WDR62: variants seen among roughly 807,000 people sequenced by gnomAD.
WDR62 encodes WD repeat-containing protein 62.
WDR62 carries 112 observed loss-of-function variants against 160.6 expected under a neutral mutation model. The observed-to-expected ratio is 0.70, with a 90% CI of 0.60 to 0.82. The LOEUF is 0.82. WDR62 is among the 40% of genes least tolerant of loss of function. WDR62 has a pLI of 0.00. For synonymous variants in WDR62, 792 were observed against 815.1 expected (o/e 0.97, Z 0.48); for missense variants, 1,819 against 1,983.8 (o/e 0.92, Z 1.58).
rs1234379959 is a variant in WDR62 at position 36,101,735 on chromosome 19, C to T, written c.3043C>T (p.Pro1015Ser). 1.3e-6 allele frequency: 2 copies of T among 1,551,828 alleles called. No individual in the cohort carries two copies. The highest frequency in any genetic ancestry group is 2.0e-5 in the Admixed American group (1 of 51,100). The change falls in exon 25 of 32, where the codon CCT (proline) becomes TCT (serine). Residue 1015 changes from proline to serine, a missense_variant. Pro to Ser is a moderately conservative substitution (Grantham distance 74, BLOSUM62 -1). Transcript: ENST00000401500. ...AIHSPAPPPD[P>S]APRFATSLPH... ...CCACTCCCCAGCTCCGCCTCCTGACCCTGCCCCTCGGTTTGCCACGTCGCT... is the reference window on the plus strand; with the variant it reads ...CCACTCCCCAGCTCCGCCTCCTGACTCTGCCCCTCGGTTTGCCACGTCGCT...
At chr19:36,106,915 C>T (rs1973727010), downstream of WDR62, among the ~76,000 whole-genome samples, 1 of 152,204 alleles carries the variant, frequency 6.6e-6, no homozygotes, top group Non-Finnish European at 1.5e-5. Flanking sequence ...GAACCACCTG[C>T]CTAGGCCTAG....
At position 36,091,382 on chromosome 19, in the gene WDR62, CCT is replaced by C; in HGVS notation, c.2147-15_2147-14del. The C allele has an allele frequency of 4.3e-6, 7 of 1,612,970 alleles. No homozygotes were observed. Among genetic ancestry groups the C allele is most frequent in the Admixed American group, 1.7e-5 (1 of 60,016 alleles). ...CCTCTGACTCCGAAGGCAAGTGCAG[CCT>C]CTCTGCTTTGTTTGCAGAAATTATT... On this transcript the variant is annotated intron_variant, in intron 17 of 31. Coordinates refer to ENST00000401500, the MANE Select transcript of WDR62 (RefSeq NM_001083961.2).
intron 3 of WDR62, among the ~76,000 whole-genome samples, chr19:36,065,272 T>C (rs1970873712): frequency 6.6e-6 from 1 of 151,990 alleles, no homozygotes; most frequent in African/African-American, 2.4e-5. Flanking sequence ...CTTAGCGACA[T>C]TTACTTAGTT....
At chr19:36,065,661 TTAGGATA>T (rs1323457339) in intron 3 of WDR62, among the ~76,000 whole-genome samples, 5 of 152,166 alleles carry the variant, frequency 3.3e-5, no homozygotes, top group African/African-American at 1.2e-4. Context: ...GGATAGGGTC[TTAGGATA>T]CCCACTGCGG....
At chr19:36,100,587 T>C (rs1346231370) in intron 22 of WDR62, among the ~76,000 whole-genome samples, 161 bp from the exon 23 acceptor site, 1 of 152,252 alleles carries the variant, frequency 6.6e-6, no homozygotes. Context: ...AAGGGACTGA[T>C]AATGCAGGGG....
At chr19:36,077,012 C>T (rs1971608894) in intron 9 of WDR62, among the ~76,000 whole-genome samples, 1 of 151,870 alleles carries the variant, frequency 6.6e-6, no homozygotes, top group African/African-American at 2.4e-5. Flanking sequence ...ATATACATGA[C>T]ATCAAGTTCA....
At position 36,103,531 on chromosome 19, in the gene WDR62, G is replaced by A. The variant is rs771618020; in HGVS notation, c.3703G>A (p.Gly1235Ser). The part of the protein sequence containing the change: ...RARISRSISL[G>S]DSEGPIVATL... ...CAGGATATCACGCAGCATCTCCCTC[G>A]GTGACAGTGAGGGCCCTATCGTGGC... The change falls in exon 30 of 32, where the codon GGT (glycine) becomes AGT (serine). Residue 1235 changes from glycine to serine, a missense_variant. Gly to Ser is a moderately conservative substitution (Grantham distance 56). Transcript: ENST00000401500. The A allele has an allele frequency of 2.2e-5, 35 of 1,613,908 alleles. No individual in the cohort carries two copies. Among genetic ancestry groups the A allele is most frequent in the Admixed American group, 8.3e-5 (5 of 59,982 alleles).
chr19:36,100,106 T>A (rs1014344947), intron 22 of WDR62, among the ~76,000 whole-genome samples: 4 of 152,238 alleles, frequency 2.6e-5, no homozygotes, highest in African/African-American at 9.6e-5. Flanking sequence ...AAATATTTTT[T>A]AAATTTTTTT....
the WDR62 span, among the ~76,000 whole-genome samples, chr19:36,110,855 C>T: frequency 1.3e-5 from 2 of 152,104 alleles, no homozygotes; most frequent in East Asian, 1.9e-4. Context: ...CAAACAGACC[C>T]TCAACCCCTG....
At chr19:36,105,208 G>A, downstream of WDR62, 1 of 784,106 alleles carries the variant, frequency 1.3e-6, no homozygotes, top group Non-Finnish European at 2.0e-6. Flanking sequence ...GTGTCTGTCA[G>A]TGGAGAGCAT....
At chr19:36,097,611 C>T (rs529185266) in intron 21 of WDR62, among the ~76,000 whole-genome samples, 5 of 152,160 alleles carry the variant, frequency 3.3e-5, no homozygotes, top group East Asian at 1.9e-4. Context: ...GGGCCCAGCA[C>T]GGTGGTTCAT....
At chr19:36,069,812 A>G (rs949421202) in intron 7 of WDR62, among the ~76,000 whole-genome samples, 7 of 152,208 alleles carry the variant, frequency 4.6e-5, no homozygotes, top group Admixed American at 1.3e-4. Flanking sequence ...AACACAGCGA[A>G]ACCCTGTGTT....
rs777725869 is a variant in WDR62, at chr19:36,084,763, T to C, written c.1642+19T>C. ...GAGACGGGTGAGCCCGCAGCAGGGGTGGAATGGGGGTCAGGCAGGGAGGCA... is the reference window on the plus strand; with the variant it reads ...GAGACGGGTGAGCCCGCAGCAGGGGCGGAATGGGGGTCAGGCAGGGAGGCA... On this transcript the variant is annotated intron_variant, in intron 12 of 31. Coordinates refer to ENST00000401500, the MANE Select transcript of WDR62 (RefSeq NM_001083961.2). 5.6e-6 allele frequency: 9 copies of C among 1,608,984 alleles called. No individual in the cohort carries two copies. Among genetic ancestry groups the C allele is most frequent in the Admixed American group, 1.7e-5 (1 of 59,824 alleles).
At chr19:36,085,794 CAG>C (rs1309877417) in intron 12 of WDR62, among the ~76,000 whole-genome samples, 3 of 152,168 alleles carry the variant, frequency 2.0e-5, no homozygotes, top group South Asian at 2.1e-4. Flanking sequence ...TGTTTCAAGA[CAG>C]AGTCTTGCTC....
intron 2 of WDR62, among the ~76,000 whole-genome samples, chr19:36,059,336 T>G (rs1397353655): frequency 6.6e-6 from 1 of 152,162 alleles, no homozygotes; most frequent in African/African-American, 2.4e-5. Context: ...GGACGTCCCC[T>G]CTCTGGGTTT....
chr19:36,099,702 A>C, intron 22 of WDR62, 85 bp downstream of exon 22: 1 of 1,329,622 alleles, frequency 7.5e-7, no homozygotes, highest in Non-Finnish European at 1.1e-6. Context: ...CTCCCACTCC[A>C]TGGGGGCAGG....
chr19:36,094,803 G>A (rs1248808819), intron 20 of WDR62, among the ~76,000 whole-genome samples: 2 of 151,636 alleles, frequency 1.3e-5, no homozygotes, highest in Non-Finnish European at 2.9e-5. Context: ...GGAGGCTGAG[G>A]CAGGAGGATC....
In WDR62 at chr19:36,089,175, G is replaced by A. The variant is rs1042373380; in HGVS notation, c.1837-10G>A. ...GGGGCATTCTCTGAAGGTCCTGCCGGCCCTGCCAGGGTTCGGATGGACTAC... is the reference window on the plus strand; with the variant it reads ...GGGGCATTCTCTGAAGGTCCTGCCGACCCTGCCAGGGTTCGGATGGACTAC... On this transcript the variant is annotated splice_polypyrimidine_tract_variant and intron_variant, in intron 14 of 31. Coordinates refer to ENST00000401500, the MANE Select transcript of WDR62 (RefSeq NM_001083961.2). 8 of 1,613,726 alleles carry A rather than the reference G, an allele frequency of 5.0e-6. No homozygotes were observed. In the Admixed American group the frequency reaches 5.0e-5, roughly 10 times the overall value.
intron 7 of WDR62, among the ~76,000 whole-genome samples, chr19:36,069,150 G>C (rs1971127005): frequency 6.9e-6 from 1 of 145,922 alleles, no homozygotes; most frequent in Non-Finnish European, 1.5e-5. Flanking sequence ...CTCCCGGACT[G>C]GGCGGCTGGC....
Sources: allele counts gnomAD v4.1 joint callset (sites outside exome capture counted in the v4.1 genomes callset), GRCh38; gene constraint gnomAD v4.1.1; transcripts MANE v1.5; gene names NCBI Gene and HGNC (gene_info 2026-07-23, HGNC 2026-07-21).